The following SND1 variants were observed in gnomAD, a reference collection of about 807,000 sequenced individuals.
SND1 encodes staphylococcal nuclease domain-containing protein 1.
SND1 carries 38 observed loss-of-function variants against 121.7 expected under a neutral mutation model. The observed-to-expected ratio is 0.31, with a 90% CI of 0.24 to 0.41. The LOEUF is 0.41. Ranked by LOEUF, SND1 falls within the 10% of genes least tolerant of loss-of-function variation. The pLI is 1.00. For missense variants in SND1, 868 were observed against 1,184.6 expected, an observed-to-expected ratio of 0.73 and a Z score of 3.92; for synonymous variants, 401 against 447.4, an observed-to-expected ratio of 0.90 and a Z score of 1.31.
At chr7:127,682,631 A>ACT in intron 1 of SND1, among the ~76,000 whole-genome samples, 1 of 152,308 alleles carries the variant, frequency 6.6e-6, no homozygotes, top group South Asian at 2.1e-4. Flanking sequence ...CAGCTTTGGC[A>ACT]GACTAATTAC....
intron 12 of SND1, among the ~76,000 whole-genome samples, chr7:127,851,395 G>A (rs1028195148): frequency 6.6e-6 from 1 of 152,164 alleles, no homozygotes; most frequent in African/African-American, 2.4e-5. Context: ...ATGTCTCATT[G>A]TAATGTTTCT....
At chr7:127,939,535 T>C (rs1396387105) in intron 15 of SND1, among the ~76,000 whole-genome samples, 2 of 152,206 alleles carry the variant, frequency 1.3e-5, no homozygotes, top group African/African-American at 4.8e-5. Flanking sequence ...TCCTAATTAA[T>C]TATTTCCGTC....
chr7:127,773,428 G>T (rs2014583), intron 10 of SND1, among the ~76,000 whole-genome samples: 5 of 151,176 alleles, frequency 3.3e-5, no homozygotes, highest in Non-Finnish European at 5.9e-5. Context: ...CTCTAGCCTG[G>T]GTGACACAGC....
Position 128,003,688 on chromosome 7 carries a change from A to T in SND1, c.1779+12632A>T, listed in dbSNP as rs184120704. On this transcript the variant is annotated intron_variant, in intron 16 of 23. Transcript: ENST00000354725. ...GCAGCCATATATGAGGAAATGCAAC[A>T]AACAGTCCATTAGCACTGATTGGAT... Among the ~76,000 whole-genome samples the T allele has an allele frequency of 7.2e-5, 11 of 152,356 alleles. No homozygotes were observed. In the East Asian group the frequency reaches 2.1e-3, roughly 29 times the overall value.
chr7:127,875,296 T>C (rs998323131), intron 12 of SND1, among the ~76,000 whole-genome samples: 1 of 152,178 alleles, frequency 6.6e-6, no homozygotes, highest in African/African-American at 2.4e-5. Flanking sequence ...TTCTTGGATC[T>C]GTAGGGAATA....
intron 15 of SND1, among the ~76,000 whole-genome samples, chr7:127,976,435 CCTT>C (rs1331147087): frequency 6.6e-6 from 1 of 152,214 alleles, no homozygotes; most frequent in Admixed American, 6.5e-5. Flanking sequence ...TCACTGCCCT[CCTT>C]CTTTTCAACT....
chr7:127,912,122 G>A (rs1800471504), intron 14 of SND1, among the ~76,000 whole-genome samples: 1 of 152,104 alleles, frequency 6.6e-6, no homozygotes, highest in South Asian at 2.1e-4. Context: ...GCTGTCTATA[G>A]TTTCTTTGTT....
chr7:127,757,441 A>T (rs1346946652), intron 10 of SND1, among the ~76,000 whole-genome samples: 1 of 152,140 alleles, frequency 6.6e-6, no homozygotes, highest in Non-Finnish European at 1.5e-5. Flanking sequence ...ATATCTAGGA[A>T]TTATATTGTT....
At chr7:127,659,944 A>G (rs1795278974) in intron 1 of SND1, among the ~76,000 whole-genome samples, 1 of 151,894 alleles carries the variant, frequency 6.6e-6, no homozygotes, top group Admixed American at 6.6e-5. Context: ...GAGAAATCTC[A>G]TACCTTAACG....
At chr7:127,722,863 G>A (rs1796520197) in intron 10 of SND1, among the ~76,000 whole-genome samples, 1 of 152,112 alleles carries the variant, frequency 6.6e-6, no homozygotes, top group Non-Finnish European at 1.5e-5. Context: ...ATTATGGTAA[G>A]GTTGAGAATT....
intron 18 of SND1, among the ~76,000 whole-genome samples, chr7:128,083,521 G>A (rs1322767279): frequency 3.3e-5 from 5 of 152,248 alleles, no homozygotes; most frequent in African/African-American, 1.2e-4. Flanking sequence ...TGCTTATGCA[G>A]TTTATTTTCA....
chr7:127,900,490 C>G (rs562436082), intron 13 of SND1, among the ~76,000 whole-genome samples: 1 of 152,198 alleles, frequency 6.6e-6, no homozygotes, highest in Non-Finnish European at 1.5e-5. Flanking sequence ...TGTGCAGATT[C>G]TAATCTTGTG....
chr7:128,072,993 A>C (rs1207485736), intron 16 of SND1, among the ~76,000 whole-genome samples: 4 of 152,200 alleles, frequency 2.6e-5, no homozygotes, highest in Non-Finnish European at 1.5e-5. Flanking sequence ...TGGGGCCAGC[A>C]CTTACGCCCA....
chr7:127,740,915 A>G (rs1796869990), intron 10 of SND1, among the ~76,000 whole-genome samples: 1 of 152,256 alleles, frequency 6.6e-6, no homozygotes, highest in Admixed American at 6.5e-5. Context: ...TAAGACTTAT[A>G]TAAAGTAATC....
chr7:127,867,363 C>T (rs1167218045), intron 12 of SND1, among the ~76,000 whole-genome samples: 16 of 152,140 alleles, frequency 1.1e-4, no homozygotes, highest in Non-Finnish European at 2.9e-5. Context: ...TTTGAATGCT[C>T]CTTAAATATT....
chr7:127,672,161 AT>A lies in SND1; in HGVS notation c.79-14442del, dbSNP rs1001146207. Among the ~76,000 whole-genome samples, 803 of 150,072 alleles carry A rather than the reference AT, an allele frequency of 5.4e-3. 9 individuals carry two copies. Among genetic ancestry groups the A allele is most frequent in the African/African-American group, 0.018 (754 of 40,968 alleles). On this transcript the variant is annotated intron_variant, in intron 1 of 23. Transcript: ENST00000354725. ...AATCTGAACAGTGAGGATCTTCCGT[AT>A]TTTTTTTTTCTGAATTATTTGAGAG...
intron 10 of SND1, among the ~76,000 whole-genome samples, chr7:127,769,370 T>C (rs997158026): frequency 6.6e-6 from 1 of 152,238 alleles, no homozygotes; most frequent in Non-Finnish European, 1.5e-5. Context: ...AAGGGCAGGA[T>C]GTAAACATGT....
intron 18 of SND1, 31 bp from the exon 19 acceptor site, chr7:128,084,693 C>A (rs1470339261): frequency 1.9e-6 from 3 of 1,588,598 alleles, no homozygotes; most frequent in Non-Finnish European, 2.6e-6. Flanking sequence ...ACCCAGCACC[C>A]AGGTCTCACT....
At chr7:127,685,277 C>G (rs953526582) in intron 1 of SND1, among the ~76,000 whole-genome samples, 3 of 152,208 alleles carry the variant, frequency 2.0e-5, no homozygotes, top group Non-Finnish European at 2.9e-5. Flanking sequence ...AGCTTCCTTT[C>G]ATTCTCCTTT....
Sources: gnomAD v4.1 joint callset for allele counts (sites outside exome capture counted in the v4.1 genomes callset) on GRCh38, gnomAD v4.1.1 for gene constraint, MANE v1.5 for transcripts, NCBI Gene and HGNC (gene_info 2026-07-23, HGNC 2026-07-21) for gene names.